The following ZFAT variants were observed in gnomAD, a reference collection of about 807,000 sequenced individuals.
The protein encoded by ZFAT is zinc finger and AT-hook domain containing, also known as zinc finger protein ZFAT.
Under a neutral mutation model 117.7 loss-of-function variants are expected in ZFAT, and 64 were observed. The ratio of observed to expected loss-of-function variants is 0.54; its 90% CI spans 0.44 to 0.67. The LOEUF is 0.67. ZFAT is among the 30% of genes least tolerant of loss of function. The pLI is 0.00. For missense variants in ZFAT, 1,433 were observed against 1,584.5 expected (o/e 0.90, Z 1.62); for synonymous variants, 679 against 615.0 (o/e 1.10, Z -1.54).
intron 4 of ZFAT, among the ~76,000 whole-genome samples, 183 bp from the exon 5 acceptor site, chr8:134,609,062 T>C (rs1828123128): frequency 6.6e-6 from 1 of 152,130 alleles, no homozygotes; most frequent in South Asian, 2.1e-4. Context: ...TGTGTGCATG[T>C]GTTTGAGAAA....
intron 8 of ZFAT, 49 bp from the exon 9 acceptor site, chr8:134,588,444 G>A (rs1358595555): frequency 3.3e-6 from 5 of 1,518,914 alleles, no homozygotes; most frequent in Middle Eastern, 1.7e-4. Flanking sequence ...CTCAGGGGAA[G>A]TTAGACATAA....
At chr8:134,608,642 G>A (rs1055192282) in intron 5 of ZFAT, 87 bp downstream of exon 5, 31 of 1,489,020 alleles carry the variant, frequency 2.1e-5, no homozygotes, top group African/African-American at 5.8e-5. Context: ...GAATCCAAAC[G>A]AACAAGCATG....
At chr8:134,527,421 A>T (rs1265142218) in intron 12 of ZFAT, among the ~76,000 whole-genome samples, 8 of 152,244 alleles carry the variant, frequency 5.3e-5, no homozygotes, top group African/African-American at 1.7e-4. Context: ...AAGGACAAGG[A>T]ACAAAAGCAG....
At chr8:134,626,288 A>T (rs192543766) in intron 3 of ZFAT, among the ~76,000 whole-genome samples, 15 of 152,330 alleles carry the variant, frequency 9.8e-5, no homozygotes, top group African/African-American at 3.4e-4. Context: ...CCCAATCAGC[A>T]GCAGCATCCC....
chr8:134,612,728 A>G (rs1333278883), intron 3 of ZFAT, among the ~76,000 whole-genome samples: 4 of 152,242 alleles, frequency 2.6e-5, no homozygotes, highest in Non-Finnish European at 5.9e-5. Flanking sequence ...TGAGCTAAAA[A>G]GAACGAATAG....
chr8:134,625,554 A>C (rs539028934), intron 3 of ZFAT, among the ~76,000 whole-genome samples: 36 of 152,268 alleles, frequency 2.4e-4, no homozygotes, highest in Non-Finnish European at 4.9e-4. Flanking sequence ...TTGTCTATTT[A>C]CATCACTGTC....
chr8:134,752,364 C>T, the ZFAT span, among the ~76,000 whole-genome samples: 1 of 152,214 alleles, frequency 6.6e-6, no homozygotes, highest in Non-Finnish European at 1.5e-5. Context: ...AGTGACTTAC[C>T]TCACATGGCA....
intron 15 of ZFAT, among the ~76,000 whole-genome samples, chr8:134,503,227 C>A (rs909719695): frequency 6.6e-6 from 1 of 152,210 alleles, no homozygotes; most frequent in Non-Finnish European, 1.5e-5. Context: ...GCCATGCTGG[C>A]ACAGTCCTCA....
At chr8:134,754,827 G>A in the ZFAT span, among the ~76,000 whole-genome samples, 1 of 152,168 alleles carries the variant, frequency 6.6e-6, no homozygotes. Flanking sequence ...GGTGCTGAGG[G>A]GTGAGATCTC....
chr8:134,786,817 C>T, the ZFAT span, among the ~76,000 whole-genome samples: 4 of 149,572 alleles, frequency 2.7e-5, no homozygotes, highest in East Asian at 3.9e-4. Flanking sequence ...GTTTTCATGC[C>T]TTATTTCTTT....
At chr8:134,808,789 A>G in the ZFAT span, among the ~76,000 whole-genome samples, 3 of 152,246 alleles carry the variant, frequency 2.0e-5, no homozygotes, top group Non-Finnish European at 4.4e-5. Flanking sequence ...GATGGGTACC[A>G]TTATCCCTGC....
chr8:134,646,937 A>C (rs2467029), intron 2 of ZFAT, among the ~76,000 whole-genome samples: 15,719 of 152,258 alleles, frequency 0.1, 1,116 homozygotes, highest in East Asian at 0.31. Context: ...GCCCAGGACC[A>C]GGTGGTTTCA....
At chr8:134,819,587 T>C in the ZFAT span, among the ~76,000 whole-genome samples, 1 of 141,194 alleles carries the variant, frequency 7.1e-6, no homozygotes, top group East Asian at 2.1e-4. Flanking sequence ...GCTCCTCCAA[T>C]ATTCTAATTA....
chr8:134,659,037 C>A (rs1831795760), intron 1 of ZFAT, among the ~76,000 whole-genome samples: 1 of 152,250 alleles, frequency 6.6e-6, no homozygotes, highest in South Asian at 2.1e-4. Flanking sequence ...CTCCCTTCGG[C>A]ATCCCCCTCA....
Position 134,600,632 on chromosome 8 carries a change from T to C in ZFAT, c.2279A>G (p.His760Arg). The C allele has an allele frequency of 6.2e-7, 1 of 1,607,312 alleles. No homozygotes were observed. The highest frequency in any genetic ancestry group is 8.5e-7 in the Non-Finnish European group (1 of 1,174,834). Reference protein sequence around the residue: ...LFWYQVHFDMHVRTHTREHLY... With the variant: ...LFWYQVHFDMRVRTHTREHLY... ...ATGTTCCCGGGTGTGGGTGCGGACA[T>C]GCATATCAAAATGCACTTGGTACCA... is the stretch of plus-strand genomic sequence containing the variant. The change falls in exon 7 of 16, where the codon CAT (histidine) becomes CGT (arginine). Residue 760 changes from histidine (H) to arginine (R), a missense_variant. By Grantham distance (29) the His-to-Arg change is conservative. Transcript: ENST00000377838.
At chr8:134,635,174 G>C (rs1830131192) in intron 3 of ZFAT, among the ~76,000 whole-genome samples, 1 of 152,164 alleles carries the variant, frequency 6.6e-6, no homozygotes, top group African/African-American at 2.4e-5. Flanking sequence ...CCCTGTTTTA[G>C]AGAGTTGACC....
chr8:134,512,281 G>T (rs1819908762), intron 14 of ZFAT, among the ~76,000 whole-genome samples, 194 bp downstream of exon 14: 1 of 152,190 alleles, frequency 6.6e-6, no homozygotes, highest in South Asian at 2.1e-4. Context: ...CCTCTGCTTT[G>T]GCTCTGTTCT....
intron 13 of ZFAT, 135 bp from the exon 14 acceptor site, chr8:134,512,736 C>A: frequency 8.7e-7 from 1 of 1,152,580 alleles, no homozygotes; most frequent in East Asian, 2.5e-5. Flanking sequence ...ACCTGGCACC[C>A]CTGAGAAACC....
the ZFAT span, among the ~76,000 whole-genome samples, chr8:134,828,825 AC>A: frequency 6.6e-6 from 1 of 152,260 alleles, no homozygotes; most frequent in African/African-American, 2.4e-5. Flanking sequence ...TTGTTCTTTT[AC>A]CAAAATAGCA....
Sources: allele counts gnomAD v4.1 joint callset (sites outside exome capture counted in the v4.1 genomes callset), GRCh38; gene constraint gnomAD v4.1.1; transcripts MANE v1.5; gene names NCBI Gene and HGNC (gene_info 2026-07-23, HGNC 2026-07-21).